CCDC38: variants seen among roughly 807,000 people sequenced by gnomAD.
The protein encoded by CCDC38 is coiled-coil domain-containing protein 38.
In CCDC38, 69 loss-of-function variants were observed where a neutral mutation model predicts 72.8. That is an observed-to-expected ratio of 0.95 (90% confidence interval 0.78 to 1.16). CCDC38 has a LOEUF of 1.16. Among genes scored for constraint, CCDC38 ranks in the 50% most tolerant of loss-of-function variants. CCDC38 has a pLI of 0.00. For missense variants in CCDC38, 626 were observed against 638.9 expected (o/e 0.98, Z 0.22); for synonymous variants, 201 against 213.2 (o/e 0.94, Z 0.50).
chr12:95,888,547 G>A (rs1414137444), intron 9 of CCDC38, 41 bp from the exon 10 acceptor site: 1 of 1,598,054 alleles, frequency 6.3e-7, no homozygotes. Context: ...GTTGGTGATG[G>A]TGGAGTGAAA....
intron 7 of CCDC38, 119 bp downstream of exon 7, chr12:95,898,266 T>C: frequency 1.0e-6 from 1 of 990,846 alleles, no homozygotes; most frequent in Non-Finnish European, 1.6e-6. Flanking sequence ...TAAAATTCGT[T>C]CATACTTATG....
intron 4 of CCDC38, among the ~76,000 whole-genome samples, chr12:95,911,445 T>G (rs750941993): frequency 1.3e-5 from 2 of 152,108 alleles, no homozygotes; most frequent in Non-Finnish European, 2.9e-5. Flanking sequence ...ACAGACAACC[T>G]ATAGCATAGG....
intron 15 of CCDC38, among the ~76,000 whole-genome samples, chr12:95,868,756 G>A (rs1444922727): frequency 6.6e-6 from 1 of 151,710 alleles, no homozygotes; most frequent in Non-Finnish European, 1.5e-5. Context: ...CTTACCCTGT[G>A]TAGAATTGAT....
chr12:95,869,408 G>A (rs1301102976), intron 15 of CCDC38, 72 bp downstream of exon 15: 10 of 1,137,792 alleles, frequency 8.8e-6, no homozygotes, highest in Middle Eastern at 2.0e-4. Flanking sequence ...TAAGTTAGAC[G>A]AATAAAGTAT....
intron 5 of CCDC38, among the ~76,000 whole-genome samples, chr12:95,902,409 C>A (rs1344787412): frequency 6.6e-6 from 1 of 152,136 alleles, no homozygotes; most frequent in East Asian, 1.9e-4. Flanking sequence ...CAATTACTGA[C>A]CTGTCTTCTG....
chr12:95,931,083 T>G (rs376549015), intron 2 of CCDC38, among the ~76,000 whole-genome samples: 3 of 152,314 alleles, frequency 2.0e-5, no homozygotes, highest in Non-Finnish European at 2.9e-5. Flanking sequence ...CAAATTTATT[T>G]TCTTACACTT....
intron 1 of CCDC38, among the ~76,000 whole-genome samples, chr12:95,941,272 T>C (rs1355722508): frequency 6.6e-6 from 1 of 152,240 alleles, no homozygotes; most frequent in East Asian, 1.9e-4. Context: ...AACTATACTA[T>C]TGGCTGAAAT....
chr12:95,929,463 C>G (rs1041321194), intron 2 of CCDC38, among the ~76,000 whole-genome samples: 1 of 152,142 alleles, frequency 6.6e-6, no homozygotes. Flanking sequence ...GAGATGAACC[C>G]GGTACCTCAG....
chr12:95,882,267 T>G (rs2079709225), intron 10 of CCDC38, among the ~76,000 whole-genome samples: 1 of 151,966 alleles, frequency 6.6e-6, no homozygotes, highest in Admixed American at 6.6e-5. Context: ...GATGAGTAAG[T>G]GTGTGGGGAG....
intron 2 of CCDC38, among the ~76,000 whole-genome samples, chr12:95,928,472 C>A (rs1374559607): frequency 1.3e-5 from 2 of 152,160 alleles, no homozygotes; most frequent in African/African-American, 4.8e-5. Context: ...AACTTCTTTG[C>A]CTTTGGTTTG....
chr12:95,919,581 G>T (rs1269402350), intron 2 of CCDC38: 2 of 456,062 alleles, frequency 4.4e-6, no homozygotes, highest in Non-Finnish European at 8.8e-6. Context: ...AGAAGTCACA[G>T]CTCCTCTGTC....
At chr12:95,892,714 C>A (rs1343104352) in intron 8 of CCDC38, among the ~76,000 whole-genome samples, 2 of 151,674 alleles carry the variant, frequency 1.3e-5, no homozygotes, top group East Asian at 3.9e-4. Context: ...GGATTACAGG[C>A]ATGCGCCACC....
intron 9 of CCDC38, among the ~76,000 whole-genome samples, chr12:95,890,070 C>G (rs990841161): frequency 5.3e-5 from 8 of 152,070 alleles, no homozygotes; most frequent in African/African-American, 1.9e-4. Flanking sequence ...TACCACCATG[C>G]CCAGCTAATT....
rs569425773 is a variant in CCDC38, at chr12:95,939,101, T to C, written c.-14-2578A>G. Among the ~76,000 whole-genome samples, 9 of 152,338 alleles carry C rather than the reference T, an allele frequency of 5.9e-5. No homozygotes were observed. In the East Asian group the frequency reaches 1.7e-3, roughly 29 times the overall value. Reference sequence around the variant, plus strand: ...CAAGAGGAATGATGCAAATAGTATCTACCTTGTGGGATTGTTAGGTAAGTT... The same window carrying C: ...CAAGAGGAATGATGCAAATAGTATCCACCTTGTGGGATTGTTAGGTAAGTT... On this transcript the variant is annotated intron_variant, in intron 1 of 15. Transcript: ENST00000344280.
intron 2 of CCDC38, among the ~76,000 whole-genome samples, chr12:95,929,704 A>G (rs976920864): frequency 6.6e-6 from 1 of 152,244 alleles, no homozygotes; most frequent in Admixed American, 6.5e-5. Context: ...GAAATAGAAG[A>G]AAACTAAATT....
At chr12:95,904,019 T>G (rs1303869060) in intron 5 of CCDC38, among the ~76,000 whole-genome samples, 1 of 147,282 alleles carries the variant, frequency 6.8e-6, no homozygotes, top group Non-Finnish European at 1.5e-5. Flanking sequence ...GGTTTTTCTT[T>G]GTGAGAAGTT....
intron 12 of CCDC38, 117 bp from the exon 13 acceptor site, chr12:95,878,463 C>G: frequency 1.0e-6 from 1 of 996,878 alleles, no homozygotes; most frequent in Non-Finnish European, 1.5e-6. Flanking sequence ...GAGCCAAATA[C>G]AAGTCTGTAT....
intron 13 of CCDC38, among the ~76,000 whole-genome samples, chr12:95,873,099 C>T (rs781041775): frequency 2.6e-5 from 4 of 152,144 alleles, no homozygotes; most frequent in Non-Finnish European, 5.9e-5. Flanking sequence ...CATTTTAAAT[C>T]GTTTTTTTGC....
At chr12:95,916,413 CTTCCTT>C (rs1240424634) in intron 4 of CCDC38, among the ~76,000 whole-genome samples, 1 of 149,302 alleles carries the variant, frequency 6.7e-6, no homozygotes, top group Non-Finnish European at 1.5e-5. Context: ...TCCTTCCTTC[CTTCCTT>C]TTTTCCCTTC....
Sources: allele counts gnomAD v4.1 joint callset (sites outside exome capture counted in the v4.1 genomes callset), GRCh38; gene constraint gnomAD v4.1.1; transcripts MANE v1.5; gene names NCBI Gene and HGNC (gene_info 2026-07-23, HGNC 2026-07-21).